The following PRKCA variants were observed in gnomAD, a reference collection of about 807,000 sequenced individuals.
PRKCA encodes protein kinase C alpha type.
PRKCA carries 27 observed loss-of-function variants against 87.0 expected under a neutral mutation model. The ratio of observed to expected loss-of-function variants is 0.31; its 90% confidence interval spans 0.23 to 0.43. PRKCA has a LOEUF of 0.43. PRKCA is among the 20% of genes least tolerant of loss of function. The probability of loss-of-function intolerance (pLI) is 1.00; values close to 1 mark genes in which losing one functional copy is unlikely to be tolerated. For synonymous variants in PRKCA, 329 were observed against 311.1 expected (o/e 1.06, Z -0.61); for missense variants, 518 against 852.3 (o/e 0.61, Z 4.88).
chr17:66,433,843 T>C (rs1883388494), intron 2 of PRKCA, among the ~76,000 whole-genome samples: 1 of 152,132 alleles, frequency 6.6e-6, no homozygotes, highest in South Asian at 2.1e-4. Context: ...CTGCACCCAG[T>C]CCACCTGAGG....
chr17:66,459,406 G>A (rs1223571424), intron 2 of PRKCA, among the ~76,000 whole-genome samples: 2 of 152,042 alleles, frequency 1.3e-5, no homozygotes, highest in South Asian at 2.1e-4. Flanking sequence ...TGATGAATAC[G>A]CACTGAAAGA....
chr17:66,786,056 CT>C (rs1409629060), intron 14 of PRKCA, among the ~76,000 whole-genome samples: 1 of 152,158 alleles, frequency 6.6e-6, no homozygotes, highest in Non-Finnish European at 1.5e-5. Flanking sequence ...TCTCGATCAC[CT>C]GCCCTTGTGA....
At chr17:66,595,463 C>CTTTTTTTTTTTTTTTTTTTTT (rs374376124) in intron 3 of PRKCA, among the ~76,000 whole-genome samples, 2 of 116,556 alleles carry the variant, frequency 1.7e-5, no homozygotes, top group African/African-American at 3.5e-5. Flanking sequence ...TCTTTTCCTT[C>CTTTTTTTTTTTTTTTTTTTTT]TTTTTTTTTT....
At chr17:66,376,241 G>A (rs1262219512) in intron 2 of PRKCA, among the ~76,000 whole-genome samples, 1 of 152,196 alleles carries the variant, frequency 6.6e-6, no homozygotes, top group Non-Finnish European at 1.5e-5. Context: ...CCCTGGCACA[G>A]TAGGAGAGGT....
At chr17:66,470,254 T>C (rs1214481367) in intron 2 of PRKCA, among the ~76,000 whole-genome samples, 1 of 145,262 alleles carries the variant, frequency 6.9e-6, no homozygotes, top group Non-Finnish European at 1.5e-5. Flanking sequence ...TGGAGTCAAG[T>C]GGCACAATCT....
intron 2 of PRKCA, among the ~76,000 whole-genome samples, chr17:66,488,496 G>A (rs972595326): frequency 6.6e-6 from 1 of 152,112 alleles, no homozygotes; most frequent in East Asian, 1.9e-4. Flanking sequence ...TGCTCTGGCC[G>A]GGAGCTTGGG....
intron 4 of PRKCA, among the ~76,000 whole-genome samples, chr17:66,644,136 G>A (rs565068944): frequency 6.6e-6 from 1 of 152,324 alleles, no homozygotes; most frequent in African/African-American, 2.4e-5. Flanking sequence ...TAAATTCGAG[G>A]TGTAGAATTT....
intron 3 of PRKCA, among the ~76,000 whole-genome samples, chr17:66,500,972 G>T (rs228873): frequency 1.3e-5 from 2 of 151,854 alleles, no homozygotes; most frequent in African/African-American, 4.8e-5. Flanking sequence ...TTTTTTTTTC[G>T]TACCATGGAG....
intron 2 of PRKCA, among the ~76,000 whole-genome samples, chr17:66,460,796 C>G (rs1021782743): frequency 6.6e-6 from 1 of 152,170 alleles, no homozygotes; most frequent in Non-Finnish European, 1.5e-5. Flanking sequence ...GGACTGAAGA[C>G]TTCAGGTGTC....
chr17:66,619,443 G>C (rs1257999593), intron 3 of PRKCA, among the ~76,000 whole-genome samples: 2 of 152,216 alleles, frequency 1.3e-5, no homozygotes, highest in African/African-American at 4.8e-5. Context: ...ACACGGGGCT[G>C]TTGGGTTTTT....
Position 66,570,431 on chromosome 17 carries a change from C to G in PRKCA, c.289-70924C>G, listed in dbSNP as rs562489176. On this transcript the variant is annotated intron_variant, in intron 3 of 16. Transcript: ENST00000413366. The stretch of plus-strand genomic sequence containing the variant: ...TTCAGTATGTACAGCTATGATAGAT[C>G]AACAGAAAAAATAAAACACTTTAAA... Among the ~76,000 whole-genome samples, 94 of 152,176 alleles carry G rather than the reference C, an allele frequency of 6.2e-4. 2 individuals carry two copies. In the South Asian group the frequency reaches 0.018, roughly 29 times the overall value.
chr17:66,729,247 A>T (rs899960663), intron 8 of PRKCA, among the ~76,000 whole-genome samples: 1 of 151,818 alleles, frequency 6.6e-6, no homozygotes, highest in African/African-American at 2.4e-5. Context: ...ACTAAAAATA[A>T]AAAAAAATTA....
intron 3 of PRKCA, among the ~76,000 whole-genome samples, chr17:66,605,718 A>G (rs1210826394): frequency 6.6e-6 from 1 of 152,252 alleles, no homozygotes; most frequent in Non-Finnish European, 1.5e-5. Flanking sequence ...AGTGTGATAT[A>G]TTCGTGCAGT....
At chr17:66,409,725 C>T (rs1051469604) in intron 2 of PRKCA, among the ~76,000 whole-genome samples, 23 of 152,182 alleles carry the variant, frequency 1.5e-4, no homozygotes, top group Middle Eastern at 3.4e-3. Flanking sequence ...GTCAGGAGAT[C>T]GAGACCATCC....
chr17:66,772,866 C>T (rs73331557), intron 13 of PRKCA, among the ~76,000 whole-genome samples: 16,593 of 152,142 alleles, frequency 0.11, 976 homozygotes, highest in Admixed American at 0.13. Flanking sequence ...TTTTCTCCCA[C>T]CTCATTTATT....
At chr17:66,607,648 C>T (rs1341329122) in intron 3 of PRKCA, among the ~76,000 whole-genome samples, 1 of 152,126 alleles carries the variant, frequency 6.6e-6, no homozygotes, top group African/African-American at 2.4e-5. Flanking sequence ...CTCTTGAGTG[C>T]TTATGCTCAG....
intron 3 of PRKCA, among the ~76,000 whole-genome samples, chr17:66,507,856 C>G (rs1917045836): frequency 6.6e-6 from 1 of 152,186 alleles, no homozygotes; most frequent in Non-Finnish European, 1.5e-5. Flanking sequence ...TAGCTGGTAC[C>G]TTCCTCACCT....
At chr17:66,340,154 A>T (rs917540839) in intron 2 of PRKCA, 1 of 152,178 alleles carries the variant, frequency 6.6e-6, no homozygotes, top group Non-Finnish European at 1.5e-5. Context: ...GGGGAAACAG[A>T]TAAAAAGGAC....
At chr17:66,550,770 A>C (rs1356016352) in intron 3 of PRKCA, among the ~76,000 whole-genome samples, 1 of 152,046 alleles carries the variant, frequency 6.6e-6, no homozygotes, top group Non-Finnish European at 1.5e-5. Context: ...CCGTTCATTC[A>C]CTGCCTCCTC....
Sources: gnomAD v4.1 joint callset for allele counts (sites outside exome capture counted in the v4.1 genomes callset) on GRCh38, gnomAD v4.1.1 for gene constraint, MANE v1.5 for transcripts, NCBI Gene and HGNC (gene_info 2026-07-23, HGNC 2026-07-21) for gene names.